Variants in TBC1D32 observed in about 807,000 individuals in gnomAD.
TBC1D32 encodes the protein protein broad-minded.
In TBC1D32, 151 loss-of-function variants were observed where a neutral mutation model predicts 170.3. The ratio of observed to expected loss-of-function variants is 0.89; its 90% CI spans 0.78 to 1.01. The LOEUF is 1.01. TBC1D32 is among the 50% of genes least tolerant of loss of function. TBC1D32 has a pLI of 0.00. For missense variants in TBC1D32, 1,464 were observed against 1,457.1 expected, an observed-to-expected ratio of 1.00 and a Z score of -0.08; for synonymous variants, 498 against 488.0, an observed-to-expected ratio of 1.02 and a Z score of -0.27.
intron 22 of TBC1D32, among the ~76,000 whole-genome samples, chr6:121,177,043 C>A (rs117842657): frequency 0.024 from 3,662 of 151,806 alleles, 161 homozygotes; most frequent in East Asian, 0.12. Context: ...TTTTTTTTTA[C>A]TGTATAAATG....
intron 26 of TBC1D32, among the ~76,000 whole-genome samples, chr6:121,121,376 T>G (rs1166920330): frequency 1.3e-5 from 2 of 151,966 alleles, no homozygotes; most frequent in African/African-American, 4.8e-5. Context: ...TATGTCTAAC[T>G]TGAATAAATA....
In TBC1D32 at chr6:121,112,486, A is replaced by G. The variant is rs764125434; in HGVS notation, c.3324+19T>C. ...CTTAAAATTTCAAACCCTCCTTTAA[A>G]AACAGATTGAAGTCTTACAGAAATA... On this transcript the variant is annotated intron_variant, in intron 29 of 31. Coordinates refer to ENST00000398212, the MANE Select transcript of TBC1D32 (RefSeq NM_152730.6). 1.3e-6 allele frequency: 2 copies of G among 1,586,824 alleles called. No homozygotes were observed. The highest frequency in any genetic ancestry group is 1.8e-5 in the Admixed American group (1 of 55,750).
intron 21 of TBC1D32, among the ~76,000 whole-genome samples, chr6:121,210,107 C>T (rs183547583): frequency 6.8e-4 from 103 of 152,072 alleles, no homozygotes; most frequent in Admixed American, 1.4e-3. Flanking sequence ...TGTTCACAGG[C>T]GTTAGAATTT....
At chr6:121,151,537 T>G (rs570779132) in intron 24 of TBC1D32, among the ~76,000 whole-genome samples, 179 of 152,312 alleles carry the variant, frequency 1.2e-3, no homozygotes, top group African/African-American at 4.3e-3. Flanking sequence ...TACAGCTGAG[T>G]GCAAGTCCTG....
At chr6:121,323,896 C>T (rs570809002) in intron 1 of TBC1D32, among the ~76,000 whole-genome samples, 18 of 152,158 alleles carry the variant, frequency 1.2e-4, no homozygotes, top group Admixed American at 5.9e-4. Flanking sequence ...GCCAAGATTG[C>T]GCCACTGCAC....
Position 121,117,977 on chromosome 6 carries a change from T to A in TBC1D32, c.2984-2736A>T, listed in dbSNP as rs911430358. On this transcript the variant is annotated intron_variant, in intron 26 of 31. Transcript: ENST00000398212. ...ATGAATAAGTAAAATTAAATAATTT[T>A]AAAAATGGACGTCTTCAGAGGATTT... Among the ~76,000 whole-genome samples, 7 of 152,094 alleles carry A rather than the reference T, an allele frequency of 4.6e-5. No individual in the cohort carries two copies. The East Asian group carries it at 7.7e-4, about 17-fold the overall frequency.
At chr6:121,253,859 A>G (rs1798619073) in intron 17 of TBC1D32, among the ~76,000 whole-genome samples, 1 of 152,216 alleles carries the variant, frequency 6.6e-6, no homozygotes, top group Non-Finnish European at 1.5e-5. Flanking sequence ...TAGAACTACA[A>G]TTTGATCCAG....
chr6:121,258,856 T>G (rs1799393108), intron 15 of TBC1D32, among the ~76,000 whole-genome samples: 1 of 152,054 alleles, frequency 6.6e-6, no homozygotes, highest in South Asian at 2.1e-4. Context: ...ATGATTCCAG[T>G]CTTCCATTAA....
At chr6:121,277,403 G>T (rs146568907) in intron 15 of TBC1D32, among the ~76,000 whole-genome samples, 2 of 143,406 alleles carry the variant, frequency 1.4e-5, no homozygotes, top group African/African-American at 2.7e-5. Context: ...CACTAGAATC[G>T]CTTGAACCCA....
chr6:121,200,841 C>T (rs993823080), intron 22 of TBC1D32, among the ~76,000 whole-genome samples: 1 of 151,246 alleles, frequency 6.6e-6, no homozygotes, highest in African/African-American at 2.5e-5. Context: ...AAAACAAGTA[C>T]AGAAGCAGGA....
At chr6:121,213,017 T>G (rs1291848595) in intron 21 of TBC1D32, among the ~76,000 whole-genome samples, 1 of 152,112 alleles carries the variant, frequency 6.6e-6, no homozygotes, top group Admixed American at 6.5e-5. Flanking sequence ...TGTTAAAAAC[T>G]CTCAATAAAC....
chr6:121,154,984 G>C (rs891046242), intron 24 of TBC1D32, among the ~76,000 whole-genome samples: 3 of 152,090 alleles, frequency 2.0e-5, no homozygotes, highest in Non-Finnish European at 2.9e-5. Flanking sequence ...TGGTATTCCA[G>C]CTCTTTTTTG....
At chr6:121,265,164 C>A (rs529366895) in intron 15 of TBC1D32, among the ~76,000 whole-genome samples, 2 of 152,132 alleles carry the variant, frequency 1.3e-5, no homozygotes, top group East Asian at 3.9e-4. Flanking sequence ...TTTAGAAAAC[C>A]CCATCGTGTC....
At chr6:121,298,378 A>G (rs1583631816) in intron 10 of TBC1D32, among the ~76,000 whole-genome samples, 1 of 152,076 alleles carries the variant, frequency 6.6e-6, no homozygotes, top group Non-Finnish European at 1.5e-5. Context: ...GAATTAATCT[A>G]TAAAAAACCT....
intron 1 of TBC1D32, among the ~76,000 whole-genome samples, chr6:121,332,502 A>G (rs971402392): frequency 6.6e-6 from 1 of 152,166 alleles, no homozygotes; most frequent in Non-Finnish European, 1.5e-5. Flanking sequence ...ATAACAGGAT[A>G]TTCATGAAAA....
intron 2 of TBC1D32, among the ~76,000 whole-genome samples, chr6:121,318,812 T>C (rs1809286272): frequency 6.6e-6 from 1 of 151,036 alleles, no homozygotes; most frequent in African/African-American, 2.4e-5. Flanking sequence ...CACGTATTTA[T>C]TATCATTAAA....
chr6:121,279,002 T>A, intron 15 of TBC1D32, 119 bp downstream of exon 15: 2 of 1,103,636 alleles, frequency 1.8e-6, no homozygotes, highest in Non-Finnish European at 2.5e-6. Flanking sequence ...CTACTCTGGC[T>A]GCATAGTCCA....
chr6:121,131,017 A>T (rs1781383419), intron 25 of TBC1D32, among the ~76,000 whole-genome samples: 2 of 152,114 alleles, frequency 1.3e-5, no homozygotes, highest in African/African-American at 4.8e-5. Context: ...ATTGCTGATA[A>T]AGTACACAAT....
At chr6:121,290,614 T>G (rs888002262) in intron 12 of TBC1D32, among the ~76,000 whole-genome samples, 2 of 152,210 alleles carry the variant, frequency 1.3e-5, no homozygotes, top group Admixed American at 1.3e-4. Context: ...GATCGTGAAC[T>G]AGAAATACCA....
Sources: allele counts gnomAD v4.1 joint callset (sites outside exome capture counted in the v4.1 genomes callset), GRCh38; gene constraint gnomAD v4.1.1; transcripts MANE v1.5; gene names NCBI Gene and HGNC (gene_info 2026-07-23, HGNC 2026-07-21).